The following SNTG2 variants were observed in gnomAD, a reference collection of about 807,000 sequenced individuals.
SNTG2 encodes the protein syntrophin gamma 2, also known as gamma-2-syntrophin.
SNTG2 carries 74 observed loss-of-function variants against 70.9 expected under a neutral mutation model. That is an observed-to-expected ratio of 1.04 (90% CI 0.86 to 1.27). The LOEUF (loss-of-function observed/expected upper bound fraction) is 1.27, where lower values mean the gene tolerates loss of function less well. Among genes scored for constraint, SNTG2 ranks in the 50% most tolerant of loss-of-function variants. The pLI, the probability that SNTG2 is intolerant of heterozygous loss-of-function variation, is 0.00. For synonymous variants in SNTG2, 278 were observed against 273.8 expected, an observed-to-expected ratio of 1.02 and a Z score of -0.15; for missense variants, 717 against 690.7, an observed-to-expected ratio of 1.04 and a Z score of -0.43.
In SNTG2 at chr2:1,331,031, C is replaced by T. The variant is rs77798974; in HGVS notation, c.1488+14656C>T. 4.9e-3 allele frequency among the ~76,000 whole-genome samples: 749 copies of T among 152,272 alleles called. 4 individuals are homozygous for T. The highest frequency in any genetic ancestry group is 0.017 in the African/African-American group (707 of 41,560). On this transcript the variant is annotated intron_variant, in intron 16 of 16. Coordinates refer to ENST00000308624, the MANE Select transcript of SNTG2 (RefSeq NM_018968.4). ...TGTGTGTTTCAGAAGCTCCCATCACCTTGGGGCAGCAGATTGACCATTTCT... is the reference window on the plus strand; with the variant it reads ...TGTGTGTTTCAGAAGCTCCCATCACTTTGGGGCAGCAGATTGACCATTTCT...
At chr2:1,266,411 C>T (rs1296600237) in intron 13 of SNTG2, among the ~76,000 whole-genome samples, 5 of 152,332 alleles carry the variant, frequency 3.3e-5, no homozygotes, top group African/African-American at 9.6e-5. Context: ...GCATCCGAAT[C>T]GCCGAGTGAT....
chr2:1,236,766 C>T (rs1165676943), intron 9 of SNTG2, among the ~76,000 whole-genome samples: 8 of 152,150 alleles, frequency 5.3e-5, no homozygotes, highest in African/African-American at 1.9e-4. Flanking sequence ...CTACACACCC[C>T]ACCTTGCCTA....
chr2:969,300 T>C (rs1660665478), intron 1 of SNTG2, among the ~76,000 whole-genome samples: 1 of 151,984 alleles, frequency 6.6e-6, no homozygotes, highest in African/African-American at 2.4e-5. Flanking sequence ...GGTAATGTTG[T>C]GCCTCCAGCT....
chr2:1,321,409 C>T (rs1231178686), intron 16 of SNTG2, among the ~76,000 whole-genome samples: 1 of 152,142 alleles, frequency 6.6e-6, no homozygotes, highest in Non-Finnish European at 1.5e-5. Flanking sequence ...ATCAATGAGT[C>T]AGCCGAGTGT....
chr2:1,078,849 G>T (rs1010840598), intron 1 of SNTG2, among the ~76,000 whole-genome samples: 21 of 152,248 alleles, frequency 1.4e-4, no homozygotes, highest in African/African-American at 5.1e-4. Context: ...GACACTGAGG[G>T]TCAGGAGGGA....
At chr2:1,113,411 A>C (rs1452405526) in intron 4 of SNTG2, among the ~76,000 whole-genome samples, 1 of 151,950 alleles carries the variant, frequency 6.6e-6, no homozygotes, top group Non-Finnish European at 1.5e-5. Flanking sequence ...TAACCACTAT[A>C]GTCCTTTTAT....
At chr2:989,209 ACTT>A (rs1490682370) in intron 1 of SNTG2, among the ~76,000 whole-genome samples, 2 of 152,300 alleles carry the variant, frequency 1.3e-5, no homozygotes, top group Non-Finnish European at 2.9e-5. Flanking sequence ...CTAACGTATG[ACTT>A]CTTTTTTATT....
At chr2:1,080,276 G>A (rs927201780) in intron 1 of SNTG2, among the ~76,000 whole-genome samples, 1 of 152,194 alleles carries the variant, frequency 6.6e-6, no homozygotes, top group Non-Finnish European at 1.5e-5. Context: ...TGTTTAGCAG[G>A]ATGATATGGC....
In SNTG2 at chr2:1,083,510, C is replaced by T. The variant is rs547409803; in HGVS notation, c.73-8C>T. ...CCATTTTTTTGTGTTTCCACTTTGT[C>T]CCTACAGACGAAAACCACTATTGCT... On this transcript the variant is annotated splice_polypyrimidine_tract_variant and splice_region_variant and intron_variant, in intron 1 of 16. Transcript: ENST00000308624. 3.2e-5 allele frequency: 52 copies of T among 1,613,342 alleles called. No homozygotes were observed. The highest frequency in any genetic ancestry group is 4.4e-5 in the Non-Finnish European group (52 of 1,179,550).
At chr2:1,049,141 G>A (rs1037548561) in intron 1 of SNTG2, among the ~76,000 whole-genome samples, 15 of 152,108 alleles carry the variant, frequency 9.9e-5, no homozygotes, top group African/African-American at 3.6e-4. Flanking sequence ...GTTACAATCA[G>A]TGAACCTCCA....
At chr2:1,166,986 C>T (rs1170030997) in intron 7 of SNTG2, among the ~76,000 whole-genome samples, 1 of 152,202 alleles carries the variant, frequency 6.6e-6, no homozygotes, top group Non-Finnish European at 1.5e-5. Flanking sequence ...CTGAGAGCTA[C>T]CAACACTCCA....
intron 6 of SNTG2, among the ~76,000 whole-genome samples, chr2:1,157,360 G>A (rs1032525600): frequency 6.6e-6 from 1 of 152,014 alleles, no homozygotes; most frequent in Non-Finnish European, 1.5e-5. Flanking sequence ...AATGCACCCC[G>A]GCACCGCGGC....
intron 8 of SNTG2, among the ~76,000 whole-genome samples, chr2:1,192,415 A>G (rs897954402): frequency 6.6e-6 from 1 of 152,208 alleles, no homozygotes; most frequent in Non-Finnish European, 1.5e-5. Context: ...TAAGAGAAGT[A>G]GATTTAATCT....
intron 1 of SNTG2, among the ~76,000 whole-genome samples, chr2:975,322 C>G (rs1408984920): frequency 6.6e-6 from 1 of 152,114 alleles, no homozygotes; most frequent in African/African-American, 2.4e-5. Context: ...TACATTTGCA[C>G]TTACACCCAT....
At chr2:953,510 G>A (rs7559853) in intron 1 of SNTG2, among the ~76,000 whole-genome samples, 50,876 of 152,174 alleles carry the variant, frequency 0.33, 9,130 homozygotes, top group African/African-American at 0.46. Flanking sequence ...GTTTACAGAT[G>A]TGAATTGCTG....
chr2:1,050,672 C>A (rs1292219761), intron 1 of SNTG2, among the ~76,000 whole-genome samples: 1 of 152,122 alleles, frequency 6.6e-6, no homozygotes, highest in Non-Finnish European at 1.5e-5. Flanking sequence ...AAATTTAGAG[C>A]CCCTTTATGA....
At chr2:1,273,371 C>A (rs1281941302) in intron 14 of SNTG2, among the ~76,000 whole-genome samples, 1 of 152,164 alleles carries the variant, frequency 6.6e-6, no homozygotes, top group Non-Finnish European at 1.5e-5. Flanking sequence ...TGTTCACACA[C>A]AGGTTAATAT....
chr2:993,078 T>TC (rs1661556091), intron 1 of SNTG2, among the ~76,000 whole-genome samples: 1 of 151,090 alleles, frequency 6.6e-6, no homozygotes, highest in Admixed American at 6.6e-5. Flanking sequence ...TTCTTTTTTT[T>TC]TTTTTTTTTA....
intron 1 of SNTG2, among the ~76,000 whole-genome samples, chr2:991,620 A>G (rs1170858831): frequency 6.6e-6 from 1 of 152,196 alleles, no homozygotes; most frequent in African/African-American, 2.4e-5. Flanking sequence ...CATCGGCCCT[A>G]GATGGAGGCT....
Sources: allele counts gnomAD v4.1 joint callset (sites outside exome capture counted in the v4.1 genomes callset), GRCh38; gene constraint gnomAD v4.1.1; transcripts MANE v1.5; gene names NCBI Gene and HGNC (gene_info 2026-07-23, HGNC 2026-07-21).